PPFIBP2: variants seen among roughly 807,000 people sequenced by gnomAD.
The protein encoded by PPFIBP2 is PPFIB scaffold protein 2, also known as liprin-beta-2.
In PPFIBP2, 118 loss-of-function variants were observed where a neutral mutation model predicts 118.3. The observed-to-expected ratio is 1.00, with a 90% CI of 0.86 to 1.16. The LOEUF is 1.16. Ranked by LOEUF, PPFIBP2 falls within the 50% of genes most tolerant of loss-of-function variation. The pLI, the probability that PPFIBP2 is intolerant of heterozygous loss-of-function variation, is 0.00. For missense variants in PPFIBP2, 1,195 were observed against 1,073.1 expected, an observed-to-expected ratio of 1.11 and a Z score of -1.59; for synonymous variants, 414 against 397.4, an observed-to-expected ratio of 1.04 and a Z score of -0.50.
chr11:7,628,194 G>A, intron 8 of PPFIBP2, 91 bp from the exon 9 acceptor site: 1 of 1,067,024 alleles, frequency 9.4e-7, no homozygotes, highest in South Asian at 1.5e-5. Flanking sequence ...CACATGGCAA[G>A]TCTTCATTTG....
chr11:7,587,502 CAG>C, intron 3 of PPFIBP2, among the ~76,000 whole-genome samples: 1 of 152,328 alleles, frequency 6.6e-6, no homozygotes, highest in Non-Finnish European at 1.5e-5. Flanking sequence ...TTGCAAATAA[CAG>C]AAACTCAGTT....
At chr11:7,575,366 A>T (rs1444391644) in intron 3 of PPFIBP2, among the ~76,000 whole-genome samples, 1 of 152,022 alleles carries the variant, frequency 6.6e-6, no homozygotes, top group African/African-American at 2.4e-5. Flanking sequence ...TAGAAGAGGG[A>T]CACCTGAGCC....
intron 2 of PPFIBP2, among the ~76,000 whole-genome samples, chr11:7,556,954 G>C (rs1012612937): frequency 6.6e-6 from 1 of 152,188 alleles, no homozygotes; most frequent in South Asian, 2.1e-4. Flanking sequence ...TTGGGACTCA[G>C]TGAGTGTCTT....
rs1851918904 is a variant in PPFIBP2 at position 7,639,838 on chromosome 11, C to T, written c.1343C>T (p.Pro448Leu). The change falls in exon 15 of 24, where the codon CCT becomes CTT. Residue 448 changes from proline to leucine, a missense_variant. Pro to Leu is a moderately conservative substitution (Grantham distance 98). Transcript: ENST00000299492. ...AAKSPPTICQ[P>L]DATGSSLLRL... ...AAATCTCCTCCCACCATCTGCCAGC[C>T]TGACGCCACGGGGAGCAGCCTGCTG... The T allele has an allele frequency of 2.5e-6, 4 of 1,614,216 alleles. No homozygotes were observed. Among genetic ancestry groups the T allele is most frequent in the Non-Finnish European group, 3.4e-6 (4 of 1,180,034 alleles).
intron 1 of PPFIBP2, among the ~76,000 whole-genome samples, chr11:7,519,274 A>G (rs1412026949): frequency 1.3e-5 from 2 of 152,092 alleles, no homozygotes; most frequent in Non-Finnish European, 1.5e-5. Context: ...TAACGGGGAA[A>G]AAGAGGTATG....
chr11:7,662,253 T>C, the PPFIBP2 span, among the ~76,000 whole-genome samples: 2 of 152,224 alleles, frequency 1.3e-5, no homozygotes, highest in Non-Finnish European at 2.9e-5. Context: ...TGATGGTCTT[T>C]ACATTGTGGC....
At position 7,629,435 on chromosome 11, in the gene PPFIBP2, A is replaced by T. The variant is rs780069360; in HGVS notation, c.889-24A>T. On this transcript the variant is annotated intron_variant, in intron 9 of 23. Transcript: ENST00000299492. ...TGAGATGCCAGCATAGCATTAATCTAAATCTCTACTTGCACTATGGCAGGA... is the reference window on the plus strand; with the variant it reads ...TGAGATGCCAGCATAGCATTAATCTTAATCTCTACTTGCACTATGGCAGGA... 4 of 1,607,976 alleles carry T rather than the reference A, an allele frequency of 2.5e-6. No homozygotes were observed. In the South Asian group the frequency reaches 4.4e-5, roughly 18 times the overall value.
chr11:7,655,343 C>T (rs1213355106), downstream of PPFIBP2: 7 of 1,043,828 alleles, frequency 6.7e-6, no homozygotes, highest in African/African-American at 1.1e-4. Flanking sequence ...CTGGAGAAGC[C>T]AGGCTTGAGC....
chr11:7,593,245 A>G (rs1189653235), intron 4 of PPFIBP2, 21 bp downstream of exon 4: 3 of 1,613,004 alleles, frequency 1.9e-6, no homozygotes, highest in South Asian at 2.2e-5. Flanking sequence ...TTTGGTGAGA[A>G]TCGGCTTATC....
the PPFIBP2 span, among the ~76,000 whole-genome samples, chr11:7,663,709 A>T: frequency 6.6e-6 from 1 of 152,178 alleles, no homozygotes; most frequent in Non-Finnish European, 1.5e-5. Flanking sequence ...TTGTTTACCT[A>T]AGCAAGCCTG....
intron 7 of PPFIBP2, among the ~76,000 whole-genome samples, chr11:7,621,782 C>T (rs1849389680): frequency 6.6e-6 from 1 of 152,176 alleles, no homozygotes. Context: ...CCTGCCTTCC[C>T]CTACTGTGTC....
intron 2 of PPFIBP2, among the ~76,000 whole-genome samples, chr11:7,550,140 AG>A (rs1350501623): frequency 6.6e-6 from 1 of 152,232 alleles, no homozygotes; most frequent in East Asian, 1.9e-4. Flanking sequence ...TAGCTGTTCC[AG>A]CTGATTCCTT....
chr11:7,654,838 T>C (rs1828422087), downstream of PPFIBP2, among the ~76,000 whole-genome samples: 1 of 152,226 alleles, frequency 6.6e-6, no homozygotes, highest in African/African-American at 2.4e-5. Flanking sequence ...CTTTGTGGGC[T>C]TGTTTTCCTA....
chr11:7,551,528 G>A (rs1852996520), intron 2 of PPFIBP2, among the ~76,000 whole-genome samples: 1 of 152,060 alleles, frequency 6.6e-6, no homozygotes, highest in Non-Finnish European at 1.5e-5. Flanking sequence ...AGTAAGTCTT[G>A]AAGTTGGGTA....
chr11:7,556,319 G>A (rs1225305529), intron 2 of PPFIBP2, among the ~76,000 whole-genome samples: 1 of 152,172 alleles, frequency 6.6e-6, no homozygotes, highest in Non-Finnish European at 1.5e-5. Context: ...GCCGGGTGTG[G>A]TGGCGGGCAC....
At chr11:7,645,222 AG>A (rs1471637049) in intron 17 of PPFIBP2, among the ~76,000 whole-genome samples, 2 of 151,862 alleles carry the variant, frequency 1.3e-5, no homozygotes, top group Admixed American at 6.6e-5. Flanking sequence ...GTTTGGGTTT[AG>A]GGGGGTATGT....
At position 7,534,293 on chromosome 11, in the gene PPFIBP2, A is replaced by G. The variant is rs570412491; in HGVS notation, c.-36-15147A>G. On this transcript the variant is annotated intron_variant, in intron 1 of 23. Transcript: ENST00000299492. ...CTATAAAAAGAATTCAAATGTACACAGAAATAGAAATAGTAAAATGCATCC... is the reference window on the plus strand; with the variant it reads ...CTATAAAAAGAATTCAAATGTACACGGAAATAGAAATAGTAAAATGCATCC... Among the ~76,000 whole-genome samples the G allele has an allele frequency of 3.0e-4, 45 of 152,362 alleles. 1 individual carries two copies. The highest frequency in any genetic ancestry group is 2.8e-3 in the Admixed American group (43 of 15,306).
Position 7,633,251 on chromosome 11 carries a change from T to C in PPFIBP2, c.1136+317T>C, listed in dbSNP as rs577602834. On this transcript the variant is annotated intron_variant, in intron 12 of 23. Transcript: ENST00000299492. ...TCAGAGCTGAGAGCATCCCGTGATG[T>C]GTGTTCCTTTTGTCAGCCTCTGCCT... Among the ~76,000 whole-genome samples the C allele has an allele frequency of 3.9e-5, 6 of 152,332 alleles. No homozygotes were observed. In the South Asian group the frequency reaches 1.2e-3, roughly 32 times the overall value.
intron 11 of PPFIBP2, among the ~76,000 whole-genome samples, chr11:7,632,055 T>C (rs562267520): frequency 2.6e-5 from 4 of 152,250 alleles, no homozygotes; most frequent in Admixed American, 1.3e-4. Context: ...CCGCCTGTGA[T>C]GCTAGGTGCA....
Sources: allele counts gnomAD v4.1 joint callset (sites outside exome capture counted in the v4.1 genomes callset), GRCh38; gene constraint gnomAD v4.1.1; transcripts MANE v1.5; gene names NCBI Gene and HGNC (gene_info 2026-07-23, HGNC 2026-07-21).